Variants in OSTN observed in about 807,000 individuals in gnomAD.
OSTN encodes osteocrin.
Under a neutral mutation model 12.0 loss-of-function variants are expected in OSTN, and 9 were observed. The observed-to-expected ratio is 0.75, with a 90% confidence interval of 0.45 to 1.30. The LOEUF is 1.30. Among genes scored for constraint, OSTN ranks in the 50% most tolerant of loss-of-function variants. The pLI, the probability that OSTN is intolerant of heterozygous loss-of-function variation, is 0.00. For synonymous variants in OSTN, 59 were observed against 56.9 expected, an observed-to-expected ratio of 1.04 and a Z score of -0.16; for missense variants, 148 against 152.3, an observed-to-expected ratio of 0.97 and a Z score of 0.15.
chr3:191,259,370 T>G (rs926474479), intron 4 of OSTN, among the ~76,000 whole-genome samples: 2 of 151,960 alleles, frequency 1.3e-5, no homozygotes, highest in Admixed American at 1.3e-4. Context: ...CCCCAGCTAA[T>G]TTTTGTATTT....
At chr3:191,214,225 A>G (rs938829575) in intron 2 of OSTN, among the ~76,000 whole-genome samples, 3 of 152,042 alleles carry the variant, frequency 2.0e-5, no homozygotes, top group African/African-American at 7.2e-5. Flanking sequence ...CACCACTTGG[A>G]TGACCAGAGG....
chr3:191,244,641 A>G (rs1715390428), intron 3 of OSTN, among the ~76,000 whole-genome samples: 1 of 148,372 alleles, frequency 6.7e-6, no homozygotes, highest in South Asian at 2.1e-4. Flanking sequence ...TATATTTCAT[A>G]TCAACAAAAA....
intron 1 of OSTN, among the ~76,000 whole-genome samples, chr3:191,209,217 T>C (rs577064543): frequency 6.6e-6 from 1 of 152,240 alleles, no homozygotes; most frequent in Non-Finnish European, 1.5e-5. Context: ...AAAATACAGA[T>C]ATGTTCTTAG....
intron 1 of OSTN, among the ~76,000 whole-genome samples, chr3:191,202,731 A>AAAGTTGCCTATGTAT (rs1714178354): frequency 6.6e-6 from 1 of 152,166 alleles, no homozygotes; most frequent in South Asian, 2.1e-4. Flanking sequence ...TGCTGCGTAA[A>AAAGTTGCCTATGTAT]AAGTTGCCTA....
At position 191,264,622 on chromosome 3, in the gene OSTN, ATTAT is replaced by A. The variant is rs1715879696; in HGVS notation, c.*1773_*1776del. 6.6e-6 allele frequency: 1 copy of A among 152,170 alleles called. No individual in the cohort carries two copies. Among genetic ancestry groups the A allele is most frequent in the Non-Finnish European group, 1.5e-5 (1 of 67,988 alleles). 9.4% of individuals were successfully genotyped at this position (152,170 alleles called of 1,614,324 possible). On this transcript the variant is annotated 3_prime_UTR_variant, in exon 5 of 5. Coordinates refer to ENST00000682035, the MANE Select transcript of OSTN (RefSeq NM_198184.2). ...CCTGGAGGACTCAGGAGTTGAAAGA[ATTAT>A]TTAAGAAGTTGTGATATCCTTGTCT... is the stretch of plus-strand genomic sequence containing the variant.
chr3:191,212,790 T>C (rs1037381468), intron 2 of OSTN, among the ~76,000 whole-genome samples, 156 bp downstream of exon 2: 1 of 147,626 alleles, frequency 6.8e-6, no homozygotes, highest in African/African-American at 2.5e-5. Context: ...ATATAGAATA[T>C]ATATTTTATA....
chr3:191,203,043 G>T (rs746130854), intron 1 of OSTN, among the ~76,000 whole-genome samples: 1 of 152,190 alleles, frequency 6.6e-6, no homozygotes, highest in African/African-American at 2.4e-5. Context: ...GAGAATCTGT[G>T]ATGTTAAATA....
intron 3 of OSTN, among the ~76,000 whole-genome samples, chr3:191,232,735 G>A (rs1230672550): frequency 6.6e-6 from 1 of 151,500 alleles, no homozygotes; most frequent in Non-Finnish European, 1.5e-5. Context: ...CAAGTAGCTG[G>A]GATTATAGGC....
intron 2 of OSTN, among the ~76,000 whole-genome samples, chr3:191,214,858 C>A (rs1011895442): frequency 6.6e-6 from 1 of 151,844 alleles, no homozygotes; most frequent in East Asian, 1.9e-4. Context: ...ACCAAAAATG[C>A]AAAATTAGCT....
intron 3 of OSTN, among the ~76,000 whole-genome samples, chr3:191,235,975 G>A (rs1432203672): frequency 6.6e-6 from 1 of 152,136 alleles, no homozygotes; most frequent in Non-Finnish European, 1.5e-5. Context: ...AACTCGAAGT[G>A]TTTTTCTCAA....
intron 2 of OSTN, 61 bp downstream of exon 2, chr3:191,212,695 G>T: frequency 3.2e-6 from 2 of 633,278 alleles, no homozygotes; most frequent in East Asian, 4.5e-5. Flanking sequence ...TAAATGACAT[G>T]TTTGTATATA....
intron 3 of OSTN, among the ~76,000 whole-genome samples, chr3:191,222,479 G>GTATT (rs1424585578): frequency 6.6e-6 from 1 of 152,212 alleles, no homozygotes; most frequent in Admixed American, 6.5e-5. Context: ...TGGAACAGGT[G>GTATT]TATTTACCCA....
chr3:191,218,620 T>C, intron 2 of OSTN, 127 bp from the exon 3 acceptor site: 1 of 736,118 alleles, frequency 1.4e-6, no homozygotes, highest in South Asian at 1.9e-5. Flanking sequence ...CAAAACTTTG[T>C]CTCAAAAAAA....
intron 3 of OSTN, among the ~76,000 whole-genome samples, chr3:191,224,214 C>T (rs529177138): frequency 9.4e-4 from 142 of 151,860 alleles, no homozygotes; most frequent in African/African-American, 3.2e-3. Flanking sequence ...CCCGTCTCTA[C>T]TAAGAATACA....
chr3:191,218,619 G>C, intron 2 of OSTN, 128 bp from the exon 3 acceptor site: 1 of 729,546 alleles, frequency 1.4e-6, no homozygotes, highest in South Asian at 1.9e-5. Context: ...ACAAAACTTT[G>C]TCTCAAAAAA....
At chr3:191,230,562 CA>C (rs35542147) in intron 3 of OSTN, among the ~76,000 whole-genome samples, 4,902 of 36,436 alleles carry the variant, frequency 0.13, 39 homozygotes, top group East Asian at 0.27. Context: ...GACTCCGTCT[CA>C]AAAAAAAAAA....
intron 3 of OSTN, among the ~76,000 whole-genome samples, chr3:191,232,842 T>C (rs1239338775): frequency 6.6e-6 from 1 of 152,182 alleles, no homozygotes; most frequent in African/African-American, 2.4e-5. Context: ...CTCGAGCTCC[T>C]GGCCTCAAGT....
rs528236095 is a variant in OSTN, at chr3:191,230,342, G to C, written c.317+11381G>C. Among the ~76,000 whole-genome samples the C allele has an allele frequency of 2.8e-3, 423 of 151,812 alleles. 2 individuals carry two copies. The highest frequency in any genetic ancestry group is 9.9e-3 in the African/African-American group (411 of 41,418). ...ACACTTTGGTAGGCAGAGGCGGGCA[G>C]ATCACCAGGTCAGGAGATCGAGACC... On this transcript the variant is annotated intron_variant, in intron 3 of 4. Transcript: ENST00000682035.
chr3:191,229,078 A>T (rs1170727920), intron 3 of OSTN, among the ~76,000 whole-genome samples: 1 of 152,224 alleles, frequency 6.6e-6, no homozygotes, highest in Non-Finnish European at 1.5e-5. Flanking sequence ...GACAGAAATG[A>T]GTTCAGAGAC....
Sources: gnomAD v4.1 joint callset for allele counts (sites outside exome capture counted in the v4.1 genomes callset) on GRCh38, gnomAD v4.1.1 for gene constraint, MANE v1.5 for transcripts, NCBI Gene and HGNC (gene_info 2026-07-23, HGNC 2026-07-21) for gene names.